Variants in HACE1 observed in about 807,000 individuals in gnomAD.
HACE1 encodes HECT domain and ankyrin repeat containing E3 ubiquitin protein ligase 1.
HACE1 carries 73 observed loss-of-function variants against 118.4 expected under a neutral mutation model. The observed-to-expected ratio is 0.62, with a 90% CI of 0.51 to 0.75. The LOEUF is 0.75. Among genes scored for constraint, HACE1 ranks in the 30% least tolerant of loss-of-function variants. HACE1 has a pLI of 0.00. For synonymous variants in HACE1, 368 were observed against 374.8 expected (o/e 0.98, Z 0.21); for missense variants, 749 against 1,102.2 (o/e 0.68, Z 4.54).
At position 104,795,770 on chromosome 6, in the gene HACE1, A is replaced by G. The variant is rs539294028; in HGVS notation, c.817-85T>C. 19 of 799,114 alleles carry G rather than the reference A, an allele frequency of 2.4e-5. No homozygotes were observed. In the African/African-American group the frequency reaches 3.2e-4, roughly 14 times the overall value. 49.5% of individuals were successfully genotyped at this position (799,114 alleles called of 1,614,324 possible). On this transcript the variant is annotated intron_variant, in intron 9 of 23. Transcript: ENST00000262903. ...CAATTAAGTACCTATTAAGTATCTT[A>G]AAGCCAATTAGTCTAAATCAAGTCC...
chr6:104,851,730 C>T (rs201456423), intron 2 of HACE1, among the ~76,000 whole-genome samples: 1 of 150,748 alleles, frequency 6.6e-6, no homozygotes, highest in Non-Finnish European at 1.5e-5. Context: ...AAATTTAAAA[C>T]AAAAAAAAAA....
intron 14 of HACE1, among the ~76,000 whole-genome samples, chr6:104,782,199 T>C (rs1213100690): frequency 1.3e-5 from 2 of 152,128 alleles, no homozygotes; most frequent in African/African-American, 2.4e-5. Context: ...GTTAAGAAAT[T>C]GAACTTGTCC....
chr6:104,806,876 T>C (rs900553598), intron 7 of HACE1, among the ~76,000 whole-genome samples: 5 of 152,190 alleles, frequency 3.3e-5, no homozygotes, highest in Admixed American at 3.3e-4. Context: ...TTGGACTCTT[T>C]CATCCTTATA....
chr6:104,850,541 C>T (rs1032382848), intron 3 of HACE1, among the ~76,000 whole-genome samples: 1 of 152,100 alleles, frequency 6.6e-6, no homozygotes, highest in East Asian at 1.9e-4. Flanking sequence ...TCATTCTCCA[C>T]CTATGTAAAA....
chr6:104,771,277 A>T lies in HACE1; in HGVS notation c.2127T>A (p.Ser709=). The change falls in exon 19 of 24, where the codon TCT becomes TCA. Residue 709 remains serine, a synonymous_variant. Transcript: ENST00000262903. ...TTGCTCCAAACACATCAGTCTCAAC[A>T]GAAAAAGTTAGTTCTAGACCCAGAT... ...ISDLGLELTF[S]VETDVFGAME... 6.2e-7 allele frequency: 1 copy of T among 1,613,440 alleles called. No homozygotes were observed. The highest frequency in any genetic ancestry group is 8.5e-7 in the Non-Finnish European group (1 of 1,179,354).
intron 14 of HACE1, among the ~76,000 whole-genome samples, chr6:104,781,673 G>A (rs1007367744): frequency 1.3e-5 from 2 of 151,754 alleles, no homozygotes; most frequent in Non-Finnish European, 2.9e-5. Flanking sequence ...CACTGACATG[G>A]CCCCTGCATC....
chr6:104,755,744 G>T (rs1778536806), intron 19 of HACE1, among the ~76,000 whole-genome samples: 1 of 152,174 alleles, frequency 6.6e-6, no homozygotes, highest in African/African-American at 2.4e-5. Flanking sequence ...AGAACAAAGA[G>T]ACAATGTACC....
chr6:104,737,282 C>CAAAAAAAAAAAAAAA (rs59915070), intron 22 of HACE1, among the ~76,000 whole-genome samples: 1 of 42,708 alleles, frequency 2.3e-5, no homozygotes, highest in African/African-American at 8.6e-5. Context: ...GACTCTCTCT[C>CAAAAAAAAAAAAAAA]AAAAAAAAAA....
At chr6:104,823,126 A>G (rs1027394598) in intron 6 of HACE1, among the ~76,000 whole-genome samples, 1 of 152,122 alleles carries the variant, frequency 6.6e-6, no homozygotes, top group Non-Finnish European at 1.5e-5. Flanking sequence ...TTTTTTTTTA[A>G]GAGAGAAAAA....
intron 4 of HACE1, among the ~76,000 whole-genome samples, chr6:104,846,269 A>G (rs577652916): frequency 1.3e-5 from 2 of 152,350 alleles, no homozygotes; most frequent in African/African-American, 4.8e-5. Context: ...ATTATGTAAC[A>G]CATGGGCCCT....
At position 104,833,269 on chromosome 6, in the gene HACE1, A is replaced by G. The variant is rs73768838; in HGVS notation, c.403-96T>C. The G allele has an allele frequency of 2.7e-6, 3 of 1,108,498 alleles. No individual in the cohort carries two copies. In the East Asian group the frequency reaches 7.1e-5, roughly 26 times the overall value. The allele number at this position is 1,108,498 out of a possible 1,614,324, so 68.7% of individuals were successfully genotyped here. ...TATTTCTCAGCTGGGCGTGATTTGC[A>G]CATGCAAATCTAAAGGTGTTTTAAG... On this transcript the variant is annotated intron_variant, in intron 5 of 23. Transcript: ENST00000262903.
intron 7 of HACE1, among the ~76,000 whole-genome samples, chr6:104,798,750 G>C (rs1438584995): frequency 6.6e-6 from 1 of 152,090 alleles, no homozygotes; most frequent in Non-Finnish European, 1.5e-5. Context: ...TAAAAATAGA[G>C]GCCAAGTGAA....
At chr6:104,822,367 A>G (rs1411108791) in intron 6 of HACE1, among the ~76,000 whole-genome samples, 1 of 145,080 alleles carries the variant, frequency 6.9e-6, no homozygotes, top group Non-Finnish European at 1.5e-5. Context: ...TGGGAGGCAG[A>G]GCAGGACTCC....
intron 22 of HACE1, among the ~76,000 whole-genome samples, chr6:104,741,252 G>C (rs1776642173): frequency 8.9e-6 from 1 of 112,508 alleles, no homozygotes; most frequent in Non-Finnish European, 1.7e-5. Context: ...ACTGGCACAA[G>C]ACAGGGACGC....
chr6:104,753,652 T>C (rs1190166810), intron 19 of HACE1, among the ~76,000 whole-genome samples: 2 of 152,098 alleles, frequency 1.3e-5, no homozygotes, highest in African/African-American at 4.8e-5. Flanking sequence ...ACAGCAGCCC[T>C]ATATACAGTA....
At chr6:104,845,476 C>CTTTT (rs35701834) in intron 4 of HACE1, among the ~76,000 whole-genome samples, 4 of 134,106 alleles carry the variant, frequency 3.0e-5, no homozygotes, top group Non-Finnish European at 3.1e-5. Context: ...TCTGGGTAAA[C>CTTTT]TTTTTTTTTT....
intron 19 of HACE1, among the ~76,000 whole-genome samples, chr6:104,755,610 C>T (rs572663820): frequency 6.6e-6 from 1 of 152,198 alleles, no homozygotes; most frequent in Non-Finnish European, 1.5e-5. Context: ...CAAATTAGAA[C>T]TCAAGATTAA....
At chr6:104,837,456 C>T (rs1226991354) in intron 5 of HACE1, among the ~76,000 whole-genome samples, 2 of 152,244 alleles carry the variant, frequency 1.3e-5, no homozygotes, top group East Asian at 1.9e-4. Context: ...AAGAGTAAAC[C>T]TTGACCTAAG....
chr6:104,737,809 ACTGGGTGGAGCCCACCACAG>A (rs1176641275), intron 22 of HACE1, among the ~76,000 whole-genome samples: 1 of 152,218 alleles, frequency 6.6e-6, no homozygotes, highest in Non-Finnish European at 1.5e-5. Flanking sequence ...GGAAGCCCGA[ACTGGGTGGAGCCCACCACAG>A]CTCAAGGAGG....
Sources: gnomAD v4.1 joint callset for allele counts (sites outside exome capture counted in the v4.1 genomes callset) on GRCh38, gnomAD v4.1.1 for gene constraint, MANE v1.5 for transcripts, NCBI Gene and HGNC (gene_info 2026-07-23, HGNC 2026-07-21) for gene names.